The following OSMR variants were observed in gnomAD, a reference collection of about 807,000 sequenced individuals.
OSMR encodes the protein oncostatin M receptor, also known as oncostatin-M-specific receptor subunit beta.
In OSMR, 81 loss-of-function variants were observed where a neutral mutation model predicts 99.9. The observed-to-expected ratio is 0.81, with a 90% CI of 0.68 to 0.97. The LOEUF (loss-of-function observed/expected upper bound fraction) is 0.97. OSMR is among the 50% of genes least tolerant of loss of function. The pLI is 0.00. For missense variants in OSMR, 1,099 were observed against 1,153.4 expected (o/e 0.95, Z 0.68); for synonymous variants, 406 against 410.4 (o/e 0.99, Z 0.13).
At chr5:38,873,891 G>T (rs1373545173) in intron 2 of OSMR, among the ~76,000 whole-genome samples, 1 of 152,008 alleles carries the variant, frequency 6.6e-6, no homozygotes, top group African/African-American at 2.4e-5. Context: ...GGAGTGCAGT[G>T]GTGTGATCAC....
rs749956756 is a variant in OSMR, at chr5:38,921,586, G to A, written c.1586-29G>A. On this transcript the variant is annotated intron_variant, in intron 11 of 17. Transcript: ENST00000274276. ...AAACAATTTACAGTTAATTAAATCT[G>A]GAGCATTGCTCTATTTGTTTATATA... The A allele has an allele frequency of 1.9e-6, 3 of 1,613,508 alleles. No individual in the cohort carries two copies. In the African/African-American group the frequency reaches 4.0e-5, roughly 22 times the overall value.
chr5:38,932,851 A>T (rs767491991), intron 17 of OSMR, 21 bp from the exon 18 acceptor site: 1 of 1,613,500 alleles, frequency 6.2e-7, no homozygotes. Context: ...CTATATTTAC[A>T]TATTTTTGTT....
intron 9 of OSMR, among the ~76,000 whole-genome samples, chr5:38,908,591 A>G (rs567846228): frequency 6.6e-6 from 1 of 152,306 alleles, no homozygotes; most frequent in East Asian, 1.9e-4. Context: ...CCAGAGAACA[A>G]AGGTGGGGGC....
chr5:38,868,538 G>T (rs144657314), intron 1 of OSMR, among the ~76,000 whole-genome samples: 1 of 152,232 alleles, frequency 6.6e-6, no homozygotes, highest in Non-Finnish European at 1.5e-5. Context: ...GGCTTATCAA[G>T]GTTTTCCACT....
At chr5:38,916,625 C>A (rs758693305) in intron 9 of OSMR, among the ~76,000 whole-genome samples, 4 of 152,000 alleles carry the variant, frequency 2.6e-5, no homozygotes, top group Non-Finnish European at 5.9e-5. Flanking sequence ...ACATAGGTAC[C>A]CAGAGTTGGC....
At chr5:38,859,017 A>AT (rs1265411899) in intron 1 of OSMR, among the ~76,000 whole-genome samples, 1 of 152,138 alleles carries the variant, frequency 6.6e-6, no homozygotes, top group Non-Finnish European at 1.5e-5. Context: ...AGTCAGATGA[A>AT]TGGTTTGCAA....
intron 7 of OSMR, among the ~76,000 whole-genome samples, chr5:38,903,441 G>T (rs1745021991): frequency 1.3e-5 from 2 of 152,236 alleles, no homozygotes; most frequent in Admixed American, 1.3e-4. Context: ...GGGAGGACTG[G>T]AACAGAGCCT....
At chr5:38,941,541 A>G in intron 1 of OSMR, 1 of 231,252 alleles carries the variant, frequency 4.3e-6, no homozygotes, top group Non-Finnish European at 8.6e-6. Context: ...TATAAATGGG[A>G]AATATTTTTA....
At chr5:38,887,446 A>G (rs775022213) in intron 7 of OSMR, among the ~76,000 whole-genome samples, 5 of 152,080 alleles carry the variant, frequency 3.3e-5, no homozygotes, top group Non-Finnish European at 5.9e-5. Context: ...CCATTTTTCC[A>G]TATCTGTTTA....
At chr5:38,928,915 G>T (rs1746596072) in intron 15 of OSMR, among the ~76,000 whole-genome samples, 1 of 151,918 alleles carries the variant, frequency 6.6e-6, no homozygotes, top group South Asian at 2.1e-4. Flanking sequence ...ACACACATGT[G>T]CACACACACA....
At chr5:38,916,848 C>A (rs1327435225) in intron 9 of OSMR, among the ~76,000 whole-genome samples, 1 of 152,010 alleles carries the variant, frequency 6.6e-6, no homozygotes, top group East Asian at 1.9e-4. Context: ...AGTGCCAGGC[C>A]CTGAGGCAGA....
chr5:38,861,576 C>A (rs1006183698), intron 1 of OSMR, among the ~76,000 whole-genome samples: 29 of 152,390 alleles, frequency 1.9e-4, no homozygotes, highest in African/African-American at 6.3e-4. Flanking sequence ...CCTTTCCCCC[C>A]TCTCTATTCC....
chr5:38,886,030 T>C lies in OSMR; in HGVS notation c.840-9T>C, dbSNP rs1235110970. 1 of 1,612,664 alleles carries C rather than the reference T, an allele frequency of 6.2e-7. No homozygotes were observed. The highest frequency in any genetic ancestry group is 2.2e-5 in the East Asian group (1 of 44,872). The stretch of plus-strand genomic sequence containing the variant: ...GTAATGGTTGTGTTATTTTGTTTTG[T>C]TTTTAAAGATTTTCTGGGGAAAAGA... On this transcript the variant is annotated splice_polypyrimidine_tract_variant and intron_variant, in intron 6 of 17. Coordinates refer to ENST00000274276, the MANE Select transcript of OSMR (RefSeq NM_003999.3).
At chr5:38,868,445 C>T (rs993337665) in intron 1 of OSMR, among the ~76,000 whole-genome samples, 1 of 152,038 alleles carries the variant, frequency 6.6e-6, no homozygotes, top group East Asian at 1.9e-4. Context: ...TGGGAGGGAC[C>T]CAGGGGGAGG....
rs374025358 is a variant in OSMR, at chr5:38,860,749, T to A, written c.-13-8283T>A. Among the ~76,000 whole-genome samples the A allele has an allele frequency of 4.7e-4, 71 of 152,346 alleles. 1 individual carries two copies. The South Asian group carries it at 0.014, about 31-fold the overall frequency. ...GTGCAATGGCACAATCTTGGCTCAC[T>A]GCAACCTCCGCCTCCTGGGTTCAAG... is the stretch of plus-strand genomic sequence containing the variant. On this transcript the variant is annotated intron_variant, in intron 1 of 17. Transcript: ENST00000274276.
chr5:38,928,365 C>T (rs774077122), intron 15 of OSMR, among the ~76,000 whole-genome samples: 15 of 152,168 alleles, frequency 9.9e-5, no homozygotes, highest in Non-Finnish European at 2.1e-4. Flanking sequence ...TAAAGAACTG[C>T]CCGATACTGG....
chr5:38,917,098 C>T (rs968527563), intron 9 of OSMR, among the ~76,000 whole-genome samples: 9 of 151,994 alleles, frequency 5.9e-5, no homozygotes, highest in Admixed American at 2.0e-4. Flanking sequence ...GCGGGCCAGC[C>T]GTGGGTATCA....
At chr5:38,944,826 A>G in intron 2 of OSMR, 1 of 1,287,478 alleles carries the variant, frequency 7.8e-7, no homozygotes, top group Non-Finnish European at 1.1e-6. Context: ...GACAACTTTA[A>G]TTTACAGTAT....
At position 38,944,051 on chromosome 5, in the gene OSMR, T is replaced by A. The variant is rs1747903935; in HGVS notation, c.75-150T>A. On this transcript the variant is annotated intron_variant and NMD_transcript_variant, in intron 1 of 2. Coordinates refer to the OSMR transcript ENST00000508882. ...TTACAGCCACCATTAACTACTATAT[T>A]AGAAATTAAAATTGAGAGAATTTCC... The A allele has an allele frequency of 1.2e-5, 4 of 346,066 alleles. No homozygotes were observed. In the Admixed American group the frequency reaches 1.6e-4, roughly 14 times the overall value. The allele number at this position is 346,066 out of a possible 1,614,324, so 21.4% of individuals were successfully genotyped here. A position where few individuals can be genotyped will look rare whatever the true frequency, so the allele number is the denominator to read the frequency against.
Sources: gnomAD v4.1 joint callset for allele counts (sites outside exome capture counted in the v4.1 genomes callset) on GRCh38, gnomAD v4.1.1 for gene constraint, MANE v1.5 for transcripts, NCBI Gene and HGNC (gene_info 2026-07-23, HGNC 2026-07-21) for gene names.